The following DISP1 variants were observed in gnomAD, a reference collection of about 807,000 sequenced individuals.
The protein encoded by DISP1 is protein dispatched homolog 1.
DISP1 carries 30 observed loss-of-function variants against 37.3 expected under a neutral mutation model. The observed-to-expected ratio is 0.80, with a 90% CI of 0.60 to 1.09. The LOEUF is 1.09. Among genes scored for constraint, DISP1 ranks in the 50% least tolerant of loss-of-function variants. The probability of loss-of-function intolerance (pLI) is 0.00; values close to 1 mark genes in which losing one functional copy is unlikely to be tolerated. For missense variants in DISP1, 1,598 were observed against 1,879.5 expected (o/e 0.85, Z 2.77); for synonymous variants, 634 against 690.2 (o/e 0.92, Z 1.28).
At chr1:222,971,409 A>G (rs199767243) in intron 3 of DISP1, among the ~76,000 whole-genome samples, 1 of 111,700 alleles carries the variant, frequency 9.0e-6, no homozygotes, top group African/African-American at 2.6e-5. Context: ...ACACCCCCCA[A>G]GTTTTTTTTT....
At chr1:222,869,188 G>A (rs937901277) in intron 1 of DISP1, among the ~76,000 whole-genome samples, 8 of 152,044 alleles carry the variant, frequency 5.3e-5, no homozygotes, top group African/African-American at 1.4e-4. Context: ...TCCAACATTA[G>A]GGATGTCCAT....
intron 1 of DISP1, among the ~76,000 whole-genome samples, chr1:222,884,472 T>C (rs1221217849): frequency 2.6e-5 from 4 of 152,214 alleles, no homozygotes; most frequent in Non-Finnish European, 4.4e-5. Context: ...TCTGTCTTTA[T>C]CTTTCATGAC....
At chr1:222,839,865 G>A (rs576186382) in intron 1 of DISP1, among the ~76,000 whole-genome samples, 10 of 151,958 alleles carry the variant, frequency 6.6e-5, no homozygotes, top group East Asian at 5.8e-4. Context: ...CCCAGGAGGC[G>A]GAGGTTGCAG....
chr1:222,941,609 C>T (rs1674392218), intron 2 of DISP1, among the ~76,000 whole-genome samples: 1 of 152,150 alleles, frequency 6.6e-6, no homozygotes, highest in Admixed American at 6.5e-5. Context: ...TGGGCATGCT[C>T]TGCTCACAAA....
chr1:222,986,041 A>G (rs1318182766), intron 4 of DISP1, among the ~76,000 whole-genome samples: 1 of 152,204 alleles, frequency 6.6e-6, no homozygotes, highest in African/African-American at 2.4e-5. Context: ...CGGGGAAAGG[A>G]TTTTTAGGAA....
intron 1 of DISP1, among the ~76,000 whole-genome samples, chr1:222,833,351 A>G (rs960967114): frequency 1.3e-5 from 2 of 152,162 alleles, no homozygotes; most frequent in Non-Finnish European, 2.9e-5. Context: ...TTTTTGTTCA[A>G]GGACATTTCT....
In DISP1 at chr1:223,002,445, C is replaced by A; in HGVS notation, c.1048C>A (p.Pro350Thr). The change falls in exon 9 of 9, where the codon CCC becomes ACC. Residue 350 changes from proline to threonine, a missense_variant. Transcript: ENST00000675850. ...CQRTTAASCCPSWTLGNYIAI... is the reference protein window; with the variant it reads ...CQRTTAASCCTSWTLGNYIAI... ...GAGGACCACTGCTGCCTCCTGCTGC[C>A]CCAGCTGGACACTGGGAAACTACAT... 6.2e-7 allele frequency: 1 copy of A among 1,614,046 alleles called. No individual in the cohort carries two copies. The highest frequency in any genetic ancestry group is 8.5e-7 in the Non-Finnish European group (1 of 1,180,002).
chr1:222,897,908 A>C (rs1054038346), intron 1 of DISP1, among the ~76,000 whole-genome samples: 7 of 152,182 alleles, frequency 4.6e-5, no homozygotes, highest in African/African-American at 1.7e-4. Flanking sequence ...TATTTTCAAA[A>C]GTATATTCCC....
intron 1 of DISP1, among the ~76,000 whole-genome samples, chr1:222,911,262 G>A (rs1046895712): frequency 6.6e-6 from 1 of 152,140 alleles, no homozygotes; most frequent in African/African-American, 2.4e-5. Flanking sequence ...TTAGATATTA[G>A]TATAAAGTAG....
rs762312322 is a variant in DISP1 at position 223,005,156 on chromosome 1, G to A, written c.3759G>A (p.Gln1253=). 1 of 1,614,186 alleles carries A rather than the reference G, an allele frequency of 6.2e-7. No individual in the cohort carries two copies. Among genetic ancestry groups the A allele is most frequent in the Admixed American group, 1.7e-5 (1 of 60,024 alleles). ...GTGACGCTGGCTCTGCCTTGTTACA[G>A]CCCCCTCTTGAACAGCATACCGTGT... ...TESDAGSALL[Q]PPLEQHTVCH... The change falls in exon 9 of 9, where the codon CAG becomes CAA. Residue 1253 remains glutamine, a synonymous_variant. Coordinates refer to ENST00000675850, the MANE Select transcript of DISP1 (RefSeq NM_001377229.1).
At chr1:222,847,967 T>C (rs1320427544) in intron 1 of DISP1, among the ~76,000 whole-genome samples, 1 of 151,396 alleles carries the variant, frequency 6.6e-6, no homozygotes, top group Non-Finnish European at 1.5e-5. Context: ...TTTTTATGCC[T>C]TTTTTTTTCT....
chr1:222,865,186 C>G (rs1466076582), intron 1 of DISP1, among the ~76,000 whole-genome samples: 1 of 151,824 alleles, frequency 6.6e-6, no homozygotes, highest in Non-Finnish European at 1.5e-5. Flanking sequence ...TTTGCTTTTT[C>G]TAGTTACCTA....
intron 2 of DISP1, among the ~76,000 whole-genome samples, chr1:222,936,739 T>TA (rs201093014): frequency 3.6e-5 from 3 of 83,294 alleles, no homozygotes; most frequent in South Asian, 3.8e-4. Flanking sequence ...TATATAAAAA[T>TA]TATATATCAT....
intron 1 of DISP1, among the ~76,000 whole-genome samples, chr1:222,833,496 C>G (rs1448411908): frequency 6.6e-6 from 1 of 152,160 alleles, no homozygotes; most frequent in Non-Finnish European, 1.5e-5. Context: ...GTTATATATT[C>G]AAACTGTGTG....
chr1:222,867,404 T>C (rs900285082), intron 1 of DISP1, among the ~76,000 whole-genome samples: 3 of 152,200 alleles, frequency 2.0e-5, no homozygotes, highest in African/African-American at 7.2e-5. Context: ...TATAATGTTC[T>C]TGTGGAGGTA....
intron 1 of DISP1, among the ~76,000 whole-genome samples, chr1:222,838,729 C>G (rs933515542): frequency 1.3e-5 from 2 of 152,210 alleles, no homozygotes; most frequent in Admixed American, 6.5e-5. Flanking sequence ...TATGATTGTG[C>G]CACTGCACTC....
At chr1:222,857,497 G>C (rs1314203080) in intron 1 of DISP1, among the ~76,000 whole-genome samples, 1 of 152,166 alleles carries the variant, frequency 6.6e-6, no homozygotes, top group Non-Finnish European at 1.5e-5. Context: ...AACTATCTCT[G>C]TTTGCAGATG....
At chr1:223,001,983 T>G (rs1679487984) in intron 8 of DISP1, among the ~76,000 whole-genome samples, 1 of 152,180 alleles carries the variant, frequency 6.6e-6, no homozygotes, top group African/African-American at 2.4e-5. Context: ...AAGTGTACGG[T>G]TTTCTTAATC....
At chr1:222,993,359 T>G (rs146870682) in intron 7 of DISP1, among the ~76,000 whole-genome samples, 13 of 152,324 alleles carry the variant, frequency 8.5e-5, no homozygotes, top group Middle Eastern at 6.8e-3. Context: ...ATTGAGGAAT[T>G]GTGGATAGTA....
Sources: gnomAD v4.1 joint callset for allele counts (sites outside exome capture counted in the v4.1 genomes callset) on GRCh38, gnomAD v4.1.1 for gene constraint, MANE v1.5 for transcripts, NCBI Gene and HGNC (gene_info 2026-07-23, HGNC 2026-07-21) for gene names.